The following PARD3B variants were observed in gnomAD, a reference collection of about 807,000 sequenced individuals.
PARD3B encodes partitioning defective 3 homolog B.
PARD3B carries 103 observed loss-of-function variants against 130.2 expected under a neutral mutation model. That is an observed-to-expected ratio of 0.79 (90% CI 0.67 to 0.93). The LOEUF (loss-of-function observed/expected upper bound fraction) is 0.93, where lower values mean the gene tolerates loss of function less well. Ranked by LOEUF, PARD3B falls within the 40% of genes least tolerant of loss-of-function variation. The probability of loss-of-function intolerance (pLI) is 0.00; values close to 1 mark genes in which losing one functional copy is unlikely to be tolerated. For synonymous variants in PARD3B, 583 were observed against 553.2 expected, an observed-to-expected ratio of 1.05 and a Z score of -0.76; for missense variants, 1,609 against 1,499.2, an observed-to-expected ratio of 1.07 and a Z score of -1.21.
chr2:204,937,064 T>A (rs2125791525), intron 2 of PARD3B, among the ~76,000 whole-genome samples: 1 of 152,380 alleles, frequency 6.6e-6, no homozygotes, highest in East Asian at 1.9e-4. Context: ...GAGTAACTTG[T>A]ACAAGGTCAC....
At chr2:204,620,395 T>G (rs1379110699) in intron 1 of PARD3B, among the ~76,000 whole-genome samples, 2 of 152,164 alleles carry the variant, frequency 1.3e-5, no homozygotes, top group Admixed American at 1.3e-4. Flanking sequence ...ACCCGGTCCA[T>G]GCACCTTTCT....
chr2:205,075,527 G>A (rs1305959524), intron 4 of PARD3B, among the ~76,000 whole-genome samples: 1 of 151,596 alleles, frequency 6.6e-6, no homozygotes, highest in Non-Finnish European at 1.5e-5. Context: ...ATGCCTATGG[G>A]AGTTTAAAAT....
rs188539091 is a variant in PARD3B, at chr2:205,238,918, A to G, written c.2141-6860A>G. Among the ~76,000 whole-genome samples, 328 of 130,072 alleles carry G rather than the reference A, an allele frequency of 2.5e-3. 1 individual carries two copies. Among genetic ancestry groups the G allele is most frequent in the African/African-American group, 9.0e-3 (304 of 33,778 alleles). The allele number at this position is 130,072 out of a possible 152,430, so 85.3% of individuals were successfully genotyped here. A position where few individuals can be genotyped will look rare whatever the true frequency, so the allele number is the denominator to read the frequency against. ...TATATATATATATATATGTATGTGTATATATATATATGTATGTGCATATAT... is the reference window on the plus strand; with the variant it reads ...TATATATATATATATATGTATGTGTGTATATATATATGTATGTGCATATAT... On this transcript the variant is annotated intron_variant, in intron 15 of 22. Transcript: ENST00000406610.
chr2:204,934,434 A>C (rs1688256835), intron 2 of PARD3B, among the ~76,000 whole-genome samples: 1 of 152,192 alleles, frequency 6.6e-6, no homozygotes, highest in Non-Finnish European at 1.5e-5. Flanking sequence ...GAACAATGCA[A>C]ATGCATAGAA....
intron 2 of PARD3B, among the ~76,000 whole-genome samples, chr2:204,804,141 A>G (rs1000727579): frequency 1.2e-4 from 19 of 152,022 alleles, no homozygotes; most frequent in African/African-American, 4.3e-4. Flanking sequence ...GGTTAGGAGG[A>G]TGGCTGAAGC....
At chr2:204,705,997 G>T (rs774183768) in intron 2 of PARD3B, among the ~76,000 whole-genome samples, 21 of 152,194 alleles carry the variant, frequency 1.4e-4, no homozygotes, top group Non-Finnish European at 2.1e-4. Flanking sequence ...GTGAATGGAT[G>T]AGTGAATGAA....
At chr2:204,823,377 AAAT>A (rs1347944606) in intron 2 of PARD3B, among the ~76,000 whole-genome samples, 6 of 151,810 alleles carry the variant, frequency 4.0e-5, no homozygotes, top group Admixed American at 2.6e-4. Flanking sequence ...ATTTTCAATA[AAAT>A]AATATATATT....
rs66766048 is a variant in PARD3B at position 205,446,635 on chromosome 2, G to GA, written c.3044+5973dup. Among the ~76,000 whole-genome samples the GA allele has an allele frequency of 1.1e-4, 17 of 149,582 alleles. No homozygotes were observed. The highest frequency in any genetic ancestry group is 7.9e-4 in the East Asian group (4 of 5,092). On this transcript the variant is annotated intron_variant, in intron 20 of 22. Transcript: ENST00000406610. The surrounding 1 kb of genome is among the most constrained non-coding windows in gnomAD (Gnocchi z 4.4). ...GGCCCTGAACCTTCAGTCCATCTTA[G>GA]AAAAAAAAAATTGCCTTATAAAAGA...
intron 2 of PARD3B, among the ~76,000 whole-genome samples, chr2:204,860,348 GCT>G (rs2045132973): frequency 6.6e-6 from 1 of 152,208 alleles, no homozygotes; most frequent in African/African-American, 2.4e-5. Flanking sequence ...TGGTTTGCTT[GCT>G]CTCTCTTCTG....
At chr2:204,862,063 T>A (rs1027213525) in intron 2 of PARD3B, among the ~76,000 whole-genome samples, 3 of 152,094 alleles carry the variant, frequency 2.0e-5, no homozygotes, top group African/African-American at 7.2e-5. Context: ...GTCTAAATCA[T>A]GTATGACTGT....
At chr2:204,840,319 T>C (rs2044214010) in intron 2 of PARD3B, among the ~76,000 whole-genome samples, 2 of 152,138 alleles carry the variant, frequency 1.3e-5, no homozygotes, top group African/African-American at 4.8e-5. Flanking sequence ...GGAAAACTTT[T>C]ACCTAATGAA....
At chr2:205,313,081 G>A (rs552029736) in intron 18 of PARD3B, among the ~76,000 whole-genome samples, 2 of 152,290 alleles carry the variant, frequency 1.3e-5, no homozygotes, top group African/African-American at 2.4e-5. Context: ...AAATGAGAGA[G>A]AGTGCTATGT....
chr2:205,262,612 T>G (rs2105769190), intron 16 of PARD3B, among the ~76,000 whole-genome samples: 1 of 152,236 alleles, frequency 6.6e-6, no homozygotes, highest in Admixed American at 6.5e-5. Flanking sequence ...CCTATGACCA[T>G]AAAGTTGTTA....
At chr2:204,812,298 CT>C (rs2042991672) in intron 2 of PARD3B, among the ~76,000 whole-genome samples, 2 of 152,250 alleles carry the variant, frequency 1.3e-5, no homozygotes, top group South Asian at 4.1e-4. Flanking sequence ...TCTGCAGCAG[CT>C]TGATTCTTGC....
rs2055442528 is a variant in PARD3B at position 205,616,531 on chromosome 2, C to T, written c.*718C>T. On this transcript the variant is annotated 3_prime_UTR_variant, in exon 23 of 23. Transcript: ENST00000406610. ...ATTAGTCCCGGGAGGATGTGCACAG[C>T]TGGTCAGAGCTTCCAGAAGGAATAT... The T allele has an allele frequency of 6.6e-6, 1 of 152,180 alleles. No homozygotes were observed. Among genetic ancestry groups the T allele is most frequent in the African/African-American group, 2.4e-5 (1 of 41,434 alleles). The allele number at this position is 152,180 out of a possible 1,614,324, so 9.4% of individuals were successfully genotyped here.
intron 1 of PARD3B, among the ~76,000 whole-genome samples, chr2:204,662,820 C>T (rs190117263): frequency 6.6e-6 from 1 of 152,096 alleles, no homozygotes; most frequent in Non-Finnish European, 1.5e-5. Context: ...GTCCAAATGG[C>T]AACACAGTAA....
intron 18 of PARD3B, among the ~76,000 whole-genome samples, chr2:205,324,526 G>A (rs543241508): frequency 5.3e-5 from 8 of 152,102 alleles, no homozygotes; most frequent in Non-Finnish European, 1.0e-4. Context: ...TAGAGTTGCA[G>A]GTTAATATAT....
At position 204,563,259 on chromosome 2, in the gene PARD3B, CTCTCTCTT is replaced by C. The variant is rs1444821428; in HGVS notation, c.120+17149_120+17156del. Among the ~76,000 whole-genome samples, 1,406 of 142,952 alleles carry C rather than the reference CTCTCTCTT, an allele frequency of 9.8e-3. 17 individuals carry two copies. Among genetic ancestry groups the C allele is most frequent in the Middle Eastern group, 0.031 (8 of 260 alleles). The allele number at this position is 142,952 out of a possible 152,430, so 93.8% of individuals were successfully genotyped here. ...TCTCTCTCTCTCTCTCTCTCTCTCT[CTCTCTCTT>C]TCTCTCTTCTCCCTTTATAAGGACA... On this transcript the variant is annotated intron_variant, in intron 1 of 22. Transcript: ENST00000406610.
At chr2:204,646,235 C>CA (rs1353477953) in intron 1 of PARD3B, among the ~76,000 whole-genome samples, 1 of 152,096 alleles carries the variant, frequency 6.6e-6, no homozygotes, top group Non-Finnish European at 1.5e-5. Flanking sequence ...CAGAAGTTCT[C>CA]ACGTGCCACT....
Sources: allele counts gnomAD v4.1 joint callset (sites outside exome capture counted in the v4.1 genomes callset), GRCh38; gene constraint gnomAD v4.1.1; non-coding constraint Gnocchi (gnomAD v3.1); transcripts MANE v1.5; gene names NCBI Gene and HGNC (gene_info 2026-07-23, HGNC 2026-07-21).